LNX1: variants seen among roughly 807,000 people sequenced by gnomAD.
The protein encoded by LNX1 is E3 ubiquitin-protein ligase LNX.
Under a neutral mutation model 68.4 loss-of-function variants are expected in LNX1, and 54 were observed. The ratio of observed to expected loss-of-function variants is 0.79; its 90% CI spans 0.63 to 0.99. The LOEUF (loss-of-function observed/expected upper bound fraction) is 0.99, where lower values mean the gene tolerates loss of function less well. Among genes scored for constraint, LNX1 ranks in the 50% least tolerant of loss-of-function variants. The probability of loss-of-function intolerance (pLI) is 0.00; values close to 1 mark genes in which losing one functional copy is unlikely to be tolerated. For missense variants in LNX1, 906 were observed against 926.4 expected, an observed-to-expected ratio of 0.98 and a Z score of 0.29; for synonymous variants, 336 against 350.0, an observed-to-expected ratio of 0.96 and a Z score of 0.45.
At chr4:53,477,820 C>G (rs1161398859) in intron 8 of LNX1, among the ~76,000 whole-genome samples, 3 of 152,076 alleles carry the variant, frequency 2.0e-5, no homozygotes, top group Admixed American at 6.6e-5. Context: ...CCTTTCTGAC[C>G]CGAAAGAAGC....
At chr4:53,594,857 A>G (rs1732682365), upstream of LNX1, among the ~76,000 whole-genome samples, 1 of 151,652 alleles carries the variant, frequency 6.6e-6, no homozygotes, top group South Asian at 2.1e-4. Flanking sequence ...GACCACAGGC[A>G]CGTGCCACCA....
rs180715149 is a variant in LNX1, at chr4:53,637,503, C to T, written c.-215+14665G>A. On this transcript the variant is annotated intron_variant, in intron 1 of 2. Coordinates refer to the LNX1 transcript ENST00000507168. ...TAATTCCAAATGCTTTGCACTACAC[C>T]TGTCATTTCACATGTTATTTACTTT... 5.3e-5 allele frequency among the ~76,000 whole-genome samples: 8 copies of T among 152,172 alleles called. No homozygotes were observed. The East Asian group carries it at 1.4e-3, about 26-fold the overall frequency.
At chr4:53,467,953 A>T (rs1406022912) in intron 9 of LNX1, among the ~76,000 whole-genome samples, 1 of 152,258 alleles carries the variant, frequency 6.6e-6, no homozygotes, top group African/African-American at 2.4e-5. Flanking sequence ...CCAATCTAGC[A>T]AGGCAGGCCA....
rs574772841 is a variant in LNX1 at position 53,631,906 on chromosome 4, T to C, written c.-215+20262A>G. Among the ~76,000 whole-genome samples the C allele has an allele frequency of 1.7e-4, 26 of 152,168 alleles. No homozygotes were observed. The East Asian group carries it at 4.8e-3, about 28-fold the overall frequency. On this transcript the variant is annotated intron_variant, in intron 1 of 2. Transcript: ENST00000507168. ...GAGAATCCTTGACTCGGTGTAATTC[T>C]ATAGTTGTTAGATGTTTGAAAATTT...
chr4:53,628,383 G>C (rs527588345), intron 1 of LNX1, among the ~76,000 whole-genome samples: 1 of 152,148 alleles, frequency 6.6e-6, no homozygotes, highest in African/African-American at 2.4e-5. Flanking sequence ...AAGAAACATG[G>C]AAAAATGTTC....
chr4:53,471,107 T>A (rs1441063413), intron 9 of LNX1, among the ~76,000 whole-genome samples: 1 of 129,900 alleles, frequency 7.7e-6, no homozygotes, highest in East Asian at 2.2e-4. Context: ...AAGGCTACAG[T>A]AACCAAAACA....
intron 1 of LNX1, among the ~76,000 whole-genome samples, chr4:53,576,793 A>C (rs143108165): frequency 6.6e-6 from 1 of 152,244 alleles, no homozygotes; most frequent in Non-Finnish European, 1.5e-5. Context: ...ACAGCCCAGC[A>C]GTCATAAACT....
intron 4 of LNX1, among the ~76,000 whole-genome samples, chr4:53,502,470 T>G (rs949265180): frequency 6.6e-6 from 1 of 152,346 alleles, no homozygotes; most frequent in Non-Finnish European, 1.5e-5. Context: ...TGCTAAAACA[T>G]GCTGTTTAAC....
intron 1 of LNX1, among the ~76,000 whole-genome samples, chr4:53,635,014 C>T (rs968837482): frequency 4.6e-5 from 7 of 151,406 alleles, no homozygotes; most frequent in African/African-American, 1.2e-4. Context: ...ATTTTTTGTA[C>T]GCAAGAAGTC....
chr4:53,586,286 C>T (rs568153810), intron 1 of LNX1, among the ~76,000 whole-genome samples: 19 of 152,244 alleles, frequency 1.2e-4, no homozygotes, highest in South Asian at 4.1e-4. Flanking sequence ...AAACATGCTG[C>T]GCTCTATTCA....
rs1424600164 is a variant in LNX1, at chr4:53,637,149, T to C, written c.-215+15019A>G. Among the ~76,000 whole-genome samples, 3 of 152,060 alleles carry C rather than the reference T, an allele frequency of 2.0e-5. No individual in the cohort carries two copies. The South Asian group carries it at 6.2e-4, about 32-fold the overall frequency. Reference sequence around the variant, plus strand: ...ATTTGCACTGGCAAAAAAAATCTCATAAGTATAAGAGGATCCCAATAATTG... The same window carrying C: ...ATTTGCACTGGCAAAAAAAATCTCACAAGTATAAGAGGATCCCAATAATTG... On this transcript the variant is annotated intron_variant, in intron 1 of 2. Transcript: ENST00000507168.
At chr4:53,479,395 G>A (rs750457281) in intron 7 of LNX1, among the ~76,000 whole-genome samples, 17 of 152,206 alleles carry the variant, frequency 1.1e-4, no homozygotes, top group Non-Finnish European at 2.1e-4. Flanking sequence ...CCTTGCCTGC[G>A]GTGAGCAAGA....
At chr4:53,574,546 T>C (rs1731368690) in intron 1 of LNX1, among the ~76,000 whole-genome samples, 1 of 152,210 alleles carries the variant, frequency 6.6e-6, no homozygotes, top group Non-Finnish European at 1.5e-5. Context: ...AGATCAGAGC[T>C]TTCAACTAAG....
intron 2 of LNX1, among the ~76,000 whole-genome samples, chr4:53,540,274 T>C (rs1273981955): frequency 6.6e-6 from 1 of 152,004 alleles, no homozygotes; most frequent in Admixed American, 6.6e-5. Flanking sequence ...TCCCAGCCAC[T>C]CGGGGGGCTT....
At chr4:53,556,819 G>A (rs183778568) in intron 2 of LNX1, among the ~76,000 whole-genome samples, 3 of 152,220 alleles carry the variant, frequency 2.0e-5, no homozygotes, top group Non-Finnish European at 2.9e-5. Flanking sequence ...AAGGAGGCAC[G>A]GGCTACCACT....
intron 2 of LNX1, among the ~76,000 whole-genome samples, chr4:53,514,827 C>A (rs369527761): frequency 4.6e-5 from 7 of 152,178 alleles, no homozygotes; most frequent in African/African-American, 1.2e-4. Context: ...AGCTAAGGGA[C>A]CTGAACCATG....
chr4:53,571,006 G>A (rs540469725), intron 2 of LNX1, among the ~76,000 whole-genome samples: 6 of 150,678 alleles, frequency 4.0e-5, no homozygotes, highest in East Asian at 4.0e-4. Context: ...CAACCTGGGC[G>A]ACAGAGCCAG....
chr4:53,540,836 TA>T, intron 2 of LNX1, among the ~76,000 whole-genome samples: 1 of 152,198 alleles, frequency 6.6e-6, no homozygotes, highest in African/African-American at 2.4e-5. Context: ...TATTTGATTC[TA>T]AAAATAAATG....
chr4:53,606,064 C>T (rs577385049), intron 2 of LNX1, among the ~76,000 whole-genome samples: 11 of 152,134 alleles, frequency 7.2e-5, no homozygotes, highest in African/African-American at 2.7e-4. Flanking sequence ...CAAACCGACA[C>T]ACAGTTAGCA....
Sources: gnomAD v4.1 joint callset for allele counts (sites outside exome capture counted in the v4.1 genomes callset) on GRCh38, gnomAD v4.1.1 for gene constraint, MANE v1.5 for transcripts, NCBI Gene and HGNC (gene_info 2026-07-23, HGNC 2026-07-21) for gene names.